Variants in C8orf34 observed in about 807,000 individuals in gnomAD.
C8orf34 encodes the protein uncharacterized protein C8orf34.
Under a neutral mutation model 68.3 loss-of-function variants are expected in C8orf34, and 65 were observed. The ratio of observed to expected loss-of-function variants is 0.95; its 90% CI spans 0.78 to 1.17. The LOEUF is 1.17. C8orf34 is among the 50% of genes most tolerant of loss of function. The pLI is 0.00. For synonymous variants in C8orf34, 244 were observed against 241.2 expected, an observed-to-expected ratio of 1.01 and a Z score of -0.11; for missense variants, 664 against 655.4, an observed-to-expected ratio of 1.01 and a Z score of -0.14.
At chr8:68,612,190 A>G (rs886592170) in intron 7 of C8orf34, among the ~76,000 whole-genome samples, 3 of 152,006 alleles carry the variant, frequency 2.0e-5, no homozygotes, top group African/African-American at 7.2e-5. Context: ...TCCCAAACTA[A>G]TATCACTAAC....
At chr8:68,621,335 T>A (rs2130635440) in intron 7 of C8orf34, among the ~76,000 whole-genome samples, 1 of 152,286 alleles carries the variant, frequency 6.6e-6, no homozygotes, top group Non-Finnish European at 1.5e-5. Context: ...ACATGTTGGA[T>A]CAGAGACTCA....
At chr8:68,520,507 G>A (rs1269698545) in intron 5 of C8orf34, among the ~76,000 whole-genome samples, 1 of 152,044 alleles carries the variant, frequency 6.6e-6, no homozygotes, top group Non-Finnish European at 1.5e-5. Flanking sequence ...CTGGAGTGCA[G>A]TGGCACGATC....
intron 7 of C8orf34, among the ~76,000 whole-genome samples, chr8:68,639,687 T>C (rs1818947794): frequency 6.6e-6 from 1 of 152,204 alleles, no homozygotes; most frequent in African/African-American, 2.4e-5. Context: ...GGAGATCATA[T>C]ACATATTGTA....
chr8:68,748,596 C>G (rs577094574), intron 10 of C8orf34, among the ~76,000 whole-genome samples: 7 of 152,308 alleles, frequency 4.6e-5, no homozygotes, highest in African/African-American at 1.7e-4. Context: ...AGGCACTTCA[C>G]AAAAGAAGAC....
intron 8 of C8orf34, among the ~76,000 whole-genome samples, chr8:68,703,977 A>C (rs1326008231): frequency 6.6e-6 from 1 of 152,134 alleles, no homozygotes; most frequent in African/African-American, 2.4e-5. Flanking sequence ...TCTATACAAA[A>C]TCCCCAATAT....
At position 68,423,619 on chromosome 8, in the gene C8orf34, G is replaced by T. The variant is rs527283101; in HGVS notation, c.328-15880G>T. ...AGTCCTCCAAACTGTTCCAACCTCT[G>T]CCTGTTACCCAATTCCAAAGTTGCT... On this transcript the variant is annotated intron_variant, in intron 1 of 13. Coordinates refer to ENST00000518698, the MANE Select transcript of C8orf34 (RefSeq NM_052958.4). Among the ~76,000 whole-genome samples, 5 of 152,002 alleles carry T rather than the reference G, an allele frequency of 3.3e-5. 1 individual carries two copies. The highest frequency in any genetic ancestry group is 2.0e-4 in the Admixed American group (3 of 15,240).
intron 7 of C8orf34, among the ~76,000 whole-genome samples, chr8:68,630,181 A>T (rs897715715): frequency 6.6e-6 from 1 of 152,128 alleles, no homozygotes; most frequent in Admixed American, 6.5e-5. Context: ...TTGAAATATA[A>T]TTGAAACAAT....
chr8:68,518,942 A>G (rs954482620), intron 5 of C8orf34, among the ~76,000 whole-genome samples: 2 of 151,706 alleles, frequency 1.3e-5, no homozygotes, highest in Admixed American at 6.6e-5. Flanking sequence ...ACAGGGGAAT[A>G]TGTTACATAA....
chr8:68,648,031 A>T (rs1819232174), intron 8 of C8orf34, among the ~76,000 whole-genome samples: 1 of 152,226 alleles, frequency 6.6e-6, no homozygotes, highest in South Asian at 2.1e-4. Context: ...TTTATAAAAC[A>T]GCAATTTTGA....
chr8:68,479,561 A>G (rs1224025758), intron 4 of C8orf34, among the ~76,000 whole-genome samples: 3 of 152,146 alleles, frequency 2.0e-5, no homozygotes, highest in African/African-American at 7.2e-5. Flanking sequence ...TGGAGTAAAT[A>G]CCAGAGATGG....
At chr8:68,562,735 T>A (rs1271552849) in intron 7 of C8orf34, among the ~76,000 whole-genome samples, 2 of 152,224 alleles carry the variant, frequency 1.3e-5, no homozygotes, top group East Asian at 3.8e-4. Flanking sequence ...CTATATTGCA[T>A]AACTTACTGG....
intron 4 of C8orf34, among the ~76,000 whole-genome samples, chr8:68,481,237 G>C (rs1270394369): frequency 1.3e-5 from 2 of 152,250 alleles, no homozygotes; most frequent in African/African-American, 4.8e-5. Flanking sequence ...GAGCCTGCAC[G>C]TGCACAGAAG....
intron 7 of C8orf34, among the ~76,000 whole-genome samples, chr8:68,579,361 G>A (rs1211421802): frequency 6.6e-6 from 1 of 152,044 alleles, no homozygotes; most frequent in Non-Finnish European, 1.5e-5. Context: ...GGTACTTTTA[G>A]ACCTAACTTA....
intron 10 of C8orf34, among the ~76,000 whole-genome samples, chr8:68,766,186 A>G (rs893574017): frequency 1.3e-5 from 2 of 152,244 alleles, no homozygotes; most frequent in Non-Finnish European, 2.9e-5. Context: ...AAAACATGAG[A>G]GACGTAAAGT....
intron 3 of C8orf34, among the ~76,000 whole-genome samples, chr8:68,455,328 T>C (rs1186187105): frequency 2.0e-5 from 3 of 152,164 alleles, no homozygotes; most frequent in African/African-American, 7.2e-5. Context: ...TTATCGAAAG[T>C]GGGGATTTTA....
At chr8:68,535,650 T>C in intron 7 of C8orf34, 1 of 686,366 alleles carries the variant, frequency 1.5e-6, no homozygotes, top group Non-Finnish European at 1.8e-6. Context: ...TATATATTTG[T>C]GGATTTCTTT....
chr8:68,386,972 A>C (rs1808288220), intron 1 of C8orf34, among the ~76,000 whole-genome samples: 1 of 151,988 alleles, frequency 6.6e-6, no homozygotes, highest in African/African-American at 2.4e-5. Flanking sequence ...TGCTTTAGGG[A>C]AAGGCATTAA....
chr8:68,627,879 G>A (rs967361789), intron 7 of C8orf34, among the ~76,000 whole-genome samples: 11 of 152,064 alleles, frequency 7.2e-5, no homozygotes, highest in Admixed American at 2.0e-4. Flanking sequence ...GCTATTGATG[G>A]TTACATTCAA....
intron 4 of C8orf34, among the ~76,000 whole-genome samples, chr8:68,485,078 T>A (rs533910253): frequency 3.3e-4 from 51 of 152,280 alleles, no homozygotes; most frequent in Non-Finnish European, 6.6e-4. Flanking sequence ...CTGAAATACA[T>A]CTTCAAAGCA....
Sources: gnomAD v4.1 joint callset for allele counts (sites outside exome capture counted in the v4.1 genomes callset) on GRCh38, gnomAD v4.1.1 for gene constraint, MANE v1.5 for transcripts, NCBI Gene and HGNC (gene_info 2026-07-23, HGNC 2026-07-21) for gene names.